PPP2R2B: variants seen among roughly 807,000 people sequenced by gnomAD.
PPP2R2B encodes protein phosphatase 2 regulatory subunit Bbeta, also known as serine/threonine-protein phosphatase 2A 55 kDa regulatory subunit B beta isoform.
A neutral mutation model predicts 46.0 loss-of-function variants in PPP2R2B; 5 were observed. The observed-to-expected ratio is 0.11, with a 90% CI of 0.06 to 0.23. PPP2R2B has a LOEUF of 0.23. PPP2R2B is among the 10% of genes least tolerant of loss of function. The pLI, the probability that PPP2R2B is intolerant of heterozygous loss-of-function variation, is 1.00. For missense variants in PPP2R2B, 367 were observed against 575.0 expected, an observed-to-expected ratio of 0.64 and a Z score of 3.70; for synonymous variants, 215 against 206.7, an observed-to-expected ratio of 1.04 and a Z score of -0.34.
At chr5:146,617,922 G>A (rs189802392) in intron 7 of PPP2R2B, among the ~76,000 whole-genome samples, 2 of 152,092 alleles carry the variant, frequency 1.3e-5, no homozygotes, top group African/African-American at 2.4e-5. Flanking sequence ...TCCAACTCCC[G>A]ACCTCAGGTG....
chr5:147,064,049 C>T (rs911239205), intron 2 of PPP2R2B, among the ~76,000 whole-genome samples: 2 of 152,194 alleles, frequency 1.3e-5, no homozygotes, highest in African/African-American at 4.8e-5. Context: ...CAGCGAGGAC[C>T]TTCCCCTGGG....
At chr5:147,013,240 C>A (rs1378640138) in intron 1 of PPP2R2B, among the ~76,000 whole-genome samples, 1 of 108,218 alleles carries the variant, frequency 9.2e-6, no homozygotes, top group African/African-American at 2.8e-5. Context: ...AAAGAGGATA[C>A]AAACAAATGG....
At chr5:146,838,576 AAAAAAAAAG>A (rs1202592410) in intron 2 of PPP2R2B, among the ~76,000 whole-genome samples, 21 of 151,816 alleles carry the variant, frequency 1.4e-4, no homozygotes, top group Non-Finnish European at 2.9e-4. Flanking sequence ...ATCTCAAAAA[AAAAAAAAAG>A]AAAAAAAAGA....
At chr5:146,806,077 T>G in intron 2 of PPP2R2B, among the ~76,000 whole-genome samples, 1 of 152,224 alleles carries the variant, frequency 6.6e-6, no homozygotes, top group East Asian at 1.9e-4. Flanking sequence ...AAAATACATT[T>G]GTGAATTTGG....
intron 1 of PPP2R2B, among the ~76,000 whole-genome samples, chr5:147,000,257 C>T (rs1754108805): frequency 6.6e-6 from 1 of 152,254 alleles, no homozygotes; most frequent in East Asian, 1.9e-4. Context: ...ACATTTTGCA[C>T]CTAGGATGAG....
chr5:146,745,296 T>A (rs1348556538), intron 2 of PPP2R2B, among the ~76,000 whole-genome samples: 3 of 152,124 alleles, frequency 2.0e-5, no homozygotes, highest in Non-Finnish European at 4.4e-5. Flanking sequence ...TTGGTAACCC[T>A]GTGCCCTTGA....
At chr5:147,070,675 G>A (rs756144292) in intron 2 of PPP2R2B, among the ~76,000 whole-genome samples, 3 of 152,182 alleles carry the variant, frequency 2.0e-5, no homozygotes, top group Non-Finnish European at 4.4e-5. Flanking sequence ...CCTTGGCACA[G>A]TGGTAGCAAT....
upstream of PPP2R2B, among the ~76,000 whole-genome samples, chr5:147,059,789 G>A (rs955285416): frequency 1.3e-5 from 2 of 152,116 alleles, no homozygotes; most frequent in African/African-American, 4.8e-5. Flanking sequence ...CTGACCTCCT[G>A]GGAGAGCAGA....
chr5:147,003,775 A>T (rs1002571470), intron 1 of PPP2R2B, among the ~76,000 whole-genome samples: 2 of 152,242 alleles, frequency 1.3e-5, no homozygotes, highest in East Asian at 3.9e-4. Flanking sequence ...AAGCCCATGA[A>T]TTATTCAATG....
intron 1 of PPP2R2B, among the ~76,000 whole-genome samples, chr5:146,970,382 T>C (rs943576198): frequency 1.3e-5 from 2 of 151,776 alleles, no homozygotes; most frequent in Admixed American, 1.3e-4. Context: ...GGGCGGATCA[T>C]TTGAGGTCAA....
upstream of PPP2R2B, chr5:147,056,032 T>G: frequency 2.4e-6 from 3 of 1,229,974 alleles, no homozygotes; most frequent in Non-Finnish European, 3.1e-6. Context: ...ATTTGCTGAG[T>G]AAGTCAGTCC....
chr5:146,830,976 A>G (rs1758890576), intron 2 of PPP2R2B, among the ~76,000 whole-genome samples: 1 of 152,134 alleles, frequency 6.6e-6, no homozygotes, highest in Admixed American at 6.6e-5. Context: ...CAGCCATCAT[A>G]ATGCCAGAGT....
intron 1 of PPP2R2B, among the ~76,000 whole-genome samples, chr5:147,029,226 C>G (rs1054626370): frequency 1.3e-5 from 2 of 151,910 alleles, no homozygotes; most frequent in Non-Finnish European, 2.9e-5. Flanking sequence ...TTTAACCTAC[C>G]TAAGGTTGTC....
chr5:147,074,013 G>A (rs1180274886), intron 2 of PPP2R2B, among the ~76,000 whole-genome samples: 2 of 151,106 alleles, frequency 1.3e-5, no homozygotes, highest in Non-Finnish European at 2.9e-5. Flanking sequence ...TCCAGCCTGG[G>A]CGACATAGTG....
chr5:146,692,819 C>A (rs1226818995), intron 4 of PPP2R2B, among the ~76,000 whole-genome samples: 1 of 152,136 alleles, frequency 6.6e-6, no homozygotes, highest in Non-Finnish European at 1.5e-5. Flanking sequence ...CAGGCGGGAG[C>A]CACCACACCC....
In PPP2R2B at chr5:146,582,064, C is replaced by G. The variant is rs554191349; in HGVS notation, c.*7883G>C. On this transcript the variant is annotated 3_prime_UTR_variant, in exon 10 of 10. Transcript: ENST00000394411. ...TTTCCCAGCTGCCCACAGAGCTTCC[C>G]CTGCAATATTGTGGACACCCAGGCA... 6.6e-6 allele frequency: 1 copy of G among 152,408 alleles called. No homozygotes were observed. The highest frequency in any genetic ancestry group is 6.5e-5 in the Admixed American group (1 of 15,310). The allele number at this position is 152,408 out of a possible 1,614,324, so 9.4% of individuals were successfully genotyped here.
intron 7 of PPP2R2B, among the ~76,000 whole-genome samples, chr5:146,608,183 G>A (rs1003495803): frequency 6.6e-6 from 1 of 152,156 alleles, no homozygotes; most frequent in East Asian, 1.9e-4. Context: ...ATGAATAAAT[G>A]CCTGGGGTGA....
chr5:146,668,446 A>G (rs549286466), intron 5 of PPP2R2B, among the ~76,000 whole-genome samples: 2 of 152,238 alleles, frequency 1.3e-5, no homozygotes, highest in East Asian at 1.9e-4. Context: ...TTCCCTGCCA[A>G]TCTTAGAAGT....
At chr5:146,735,834 A>T (rs1319835685) in intron 2 of PPP2R2B, among the ~76,000 whole-genome samples, 2 of 152,238 alleles carry the variant, frequency 1.3e-5, no homozygotes, top group Non-Finnish European at 2.9e-5. Flanking sequence ...ATAAAGAGTC[A>T]TCTATTGCTT....
Sources: allele counts gnomAD v4.1 joint callset (sites outside exome capture counted in the v4.1 genomes callset), GRCh38; gene constraint gnomAD v4.1.1; transcripts MANE v1.5; gene names NCBI Gene and HGNC (gene_info 2026-07-23, HGNC 2026-07-21).